Variants in MST1R observed in about 807,000 individuals in gnomAD.
MST1R encodes macrophage-stimulating protein receptor.
MST1R carries 99 observed loss-of-function variants against 117.8 expected under a neutral mutation model. That is an observed-to-expected ratio of 0.84 (90% confidence interval 0.71 to 0.99). The LOEUF is 0.99. Ranked by LOEUF, MST1R falls within the 50% of genes least tolerant of loss-of-function variation. The pLI is 0.00. For missense variants in MST1R, 1,683 were observed against 1,840.2 expected, an observed-to-expected ratio of 0.91 and a Z score of 1.56; for synonymous variants, 734 against 765.3, an observed-to-expected ratio of 0.96 and a Z score of 0.68.
rs773053723 is a variant in MST1R, at chr3:49,895,760, C to T, written c.2917G>A (p.Ala973Thr). 1 of 1,613,362 alleles carries T rather than the reference C, an allele frequency of 6.2e-7. No individual in the cohort carries two copies. Among genetic ancestry groups the T allele is most frequent in the East Asian group, 2.2e-5 (1 of 44,890 alleles). Reference protein sequence around the residue: ...LPLLLLVAALATALVFSYWWR... With the variant: ...LPLLLLVAALTTALVFSYWWR... ...CAGTAGCTGAAGACCAGTGCAGTCGCCAGTGCAGCCACAAGCAGCAGCAAA... is the reference window on the plus strand; with the variant it reads ...CAGTAGCTGAAGACCAGTGCAGTCGTCAGTGCAGCCACAAGCAGCAGCAAA... The change falls in exon 12 of 20, where the codon GCG becomes ACG. Residue 973 changes from alanine to threonine, a missense_variant. Ala to Thr is a moderately conservative substitution (Grantham distance 58, BLOSUM62 0). Coordinates refer to ENST00000296474, the MANE Select transcript of MST1R (RefSeq NM_002447.4).
In MST1R at chr3:49,887,424, G is replaced by C. The variant is rs1291272918; in HGVS notation, c.4086C>G (p.Asn1362Lys). ...TCTCATGCGAGGTGCTGGGGCCCAA[G>C]TTCATGTAGGTTGCTGGCAGCTGCA... ...HYVQLPATYM[N>K]LGPSTSHEMN... is the part of the protein sequence containing the mutation. Residue 1362 changes from asparagine (N) to lysine (K), a missense_variant, in exon 20 of 20, where the codon AAC becomes AAG. Transcript: ENST00000296474. 1 of 1,614,140 alleles carries C rather than the reference G, an allele frequency of 6.2e-7. No individual in the cohort carries two copies. The highest frequency in any genetic ancestry group is 8.5e-7 in the Non-Finnish European group (1 of 1,180,046).
Position 49,898,053 on chromosome 3 carries a change from G to C in MST1R, c.1878C>G (p.Leu626=). 1 of 1,614,144 alleles carries C rather than the reference G, an allele frequency of 6.2e-7. No individual in the cohort carries two copies. The highest frequency in any genetic ancestry group is 1.6e-4 in the Middle Eastern group (1 of 6,062). Residue 626 remains leucine (L), a splice_region_variant and synonymous_variant, in exon 5 of 20, where the codon CTC becomes CTG. Coordinates refer to ENST00000296474, the MANE Select transcript of MST1R (RefSeq NM_002447.4). ...GGAGGGGAGGGACCAGATTGTACCT[G>C]AGTTTTGAGCTGTCCTTGGGCAGTG... is the stretch of plus-strand genomic sequence containing the variant. ...CRPLPKDSSK[L]RPVPRKDFVE... is the part of the protein sequence containing the mutation.
chr3:49,899,560 C>CTTTT lies in MST1R; in HGVS notation c.1231-301_1231-298dup, dbSNP rs66742220. On this transcript the variant is annotated intron_variant, in intron 1 of 19. Coordinates refer to ENST00000296474, the MANE Select transcript of MST1R (RefSeq NM_002447.4). ...CCATCCTCACAACCACCCCGTACATCTTTTTTTTTTTTTTTTTTTTTTTTT... is the reference window on the plus strand; with the variant it reads ...CCATCCTCACAACCACCCCGTACATCTTTTTTTTTTTTTTTTTTTTTTTTTTTTT... 50 of 66,392 alleles carry CTTTT rather than the reference C, an allele frequency of 7.5e-4. 3 individuals carry two copies. Among genetic ancestry groups the CTTTT allele is most frequent in the South Asian group, 2.0e-3 (8 of 3,924 alleles). 4.1% of individuals were successfully genotyped at this position (66,392 alleles called of 1,614,324 possible).
At chr3:49,898,818 T>C in intron 3 of MST1R, 49 bp downstream of exon 3, 2 of 1,610,786 alleles carry the variant, frequency 1.2e-6, no homozygotes, top group Non-Finnish European at 1.7e-6. Context: ...GGATGGAGAG[T>C]CTGTGATCCC....
chr3:49,892,481 C>T lies in MST1R; in HGVS notation c.3272-643G>A, dbSNP rs541204705. Among the ~76,000 whole-genome samples, 47 of 149,738 alleles carry T rather than the reference C, an allele frequency of 3.1e-4. 1 individual carries two copies. Among genetic ancestry groups the T allele is most frequent in the African/African-American group, 1.1e-3 (44 of 40,710 alleles). ...GGCAGAGGTTGCAGTGAGCCAAGATCGTGTCACTGCACTCCAGCCTGAGAG... is the reference window on the plus strand; with the variant it reads ...GGCAGAGGTTGCAGTGAGCCAAGATTGTGTCACTGCACTCCAGCCTGAGAG... On this transcript the variant is annotated intron_variant, in intron 14 of 19. Coordinates refer to ENST00000296474, the MANE Select transcript of MST1R (RefSeq NM_002447.4).
rs2082311198 is a variant in MST1R at position 49,891,411 on chromosome 3, G to A, written c.3522C>T (p.Arg1174=). Reference sequence around the variant, plus strand: ...GATGAACACTGACCCGCTGAGGTGAGCGGATGAACTGGAGCAGGTCACCGT... The same window carrying A: ...GATGAACACTGACCCGCTGAGGTGAACGGATGAACTGGAGCAGGTCACCGT... The part of the protein sequence containing the change: ...MCHGDLLQFI[R]SPQRNPTVKD... The change falls in exon 16 of 20, where the codon CGC becomes CGT. Residue 1174 remains arginine, a synonymous_variant. Transcript: ENST00000296474. The A allele has an allele frequency of 2.5e-6, 4 of 1,613,916 alleles. No individual in the cohort carries two copies. In the Admixed American group the frequency reaches 6.7e-5, roughly 27 times the overall value.
At chr3:49,897,465 T>A (rs2108457116) in intron 6 of MST1R, 49 bp from the exon 7 acceptor site, 2 of 1,609,306 alleles carry the variant, frequency 1.2e-6, no homozygotes, top group Non-Finnish European at 1.7e-6. Flanking sequence ...TCCAAGCCCC[T>A]CCCTTCCCGT....
intron 1 of MST1R, among the ~76,000 whole-genome samples, chr3:49,900,131 T>C (rs953839692): frequency 6.6e-6 from 1 of 152,136 alleles, no homozygotes; most frequent in South Asian, 2.1e-4. Flanking sequence ...ACATGGTCCT[T>C]CTCCCTAGAC....
At chr3:49,898,295 C>A (rs1173171404) in intron 4 of MST1R, 84 bp from the exon 5 acceptor site, 1 of 1,559,528 alleles carries the variant, frequency 6.4e-7, no homozygotes, top group East Asian at 2.3e-5. Flanking sequence ...TCCTGCCATA[C>A]CCCTTGCCTT....
At chr3:49,897,485 T>C in intron 6 of MST1R, 35 bp downstream of exon 6, 1 of 1,610,634 alleles carries the variant, frequency 6.2e-7, no homozygotes, top group Non-Finnish European at 8.5e-7. Flanking sequence ...TACCATGCAC[T>C]GGCCAAGGGC....
Position 49,898,867 on chromosome 3 carries a change from C to CTGGTCCCCAGAGGCAAAGAGTAGG in MST1R, c.1524_1547dup (p.His508_Asp515dup). ...CAGGCCCTGCCCCTGCCCACCTCAC[C>CTGGTCCCCAGAGGCAAAGAGTAGG]TGGTCCCCAGAGGCAAAGAGTAGGT... On this transcript the variant is annotated inframe_insertion and splice_region_variant, in exon 3 of 20. Transcript: ENST00000296474. 6.2e-7 allele frequency: 1 copy of CTGGTCCCCAGAGGCAAAGAGTAGG among 1,614,098 alleles called. No homozygotes were observed. The highest frequency in any genetic ancestry group is 8.5e-7 in the Non-Finnish European group (1 of 1,180,036).
chr3:49,897,850 G>T (rs2082534903), intron 5 of MST1R, 165 bp from the exon 6 acceptor site: 2 of 1,158,064 alleles, frequency 1.7e-6, no homozygotes, highest in Non-Finnish European at 2.4e-6. Flanking sequence ...AACCTTGGCT[G>T]GTCCATGAGT....
At position 49,898,683 on chromosome 3, in the gene MST1R, G is replaced by C. The variant is rs917476648; in HGVS notation, c.1554C>G (p.Phe518Leu). Residue 518 changes from phenylalanine (F) to leucine (L), a missense_variant, in exon 4 of 20, where the codon TTC (phenylalanine) becomes TTG (leucine). Physicochemically the swap from Phe to Leu is conservative, Grantham distance 22. Coordinates refer to ENST00000296474, the MANE Select transcript of MST1R (RefSeq NM_002447.4). ...AGCCAGGGCCTTGGATAGGTACCTGGAAAACCTGTGGGTGAAAGACAGGTG... is the reference window on the plus strand; with the variant it reads ...AGCCAGGGCCTTGGATAGGTACCTGCAAAACCTGTGGGTGAAAGACAGGTG... ...HLLFASGDQV[F>L]QVPIQGPGCR... The C allele has an allele frequency of 6.2e-7, 1 of 1,613,892 alleles. No individual in the cohort carries two copies. The highest frequency in any genetic ancestry group is 8.5e-7 in the Non-Finnish European group (1 of 1,179,982).
chr3:49,895,554 G>A lies in MST1R; in HGVS notation c.2963-6C>T. The A allele has an allele frequency of 6.2e-7, 1 of 1,614,102 alleles. No individual in the cohort carries two copies. The highest frequency in any genetic ancestry group is 1.1e-5 in the South Asian group (1 of 91,072). On this transcript the variant is annotated splice_region_variant and splice_polypyrimidine_tract_variant and intron_variant, in intron 12 of 19. Transcript: ENST00000296474. Reference sequence around the variant, plus strand: ...ATTCAGGTTGGGAGGAAGAACTGTGGAAAGAGAATCCTTGGTGGCTTGGCT... The same window carrying A: ...ATTCAGGTTGGGAGGAAGAACTGTGAAAAGAGAATCCTTGGTGGCTTGGCT...
rs1443257862 is a variant in MST1R, at chr3:49,899,242, G to A, written c.1252C>T (p.Pro418Ser). 6.2e-7 allele frequency: 1 copy of A among 1,613,976 alleles called. No homozygotes were observed. Among genetic ancestry groups the A allele is most frequent in the Non-Finnish European group, 8.5e-7 (1 of 1,179,968 alleles). Reference protein sequence around the residue: ...PNPPGLEALSPNTSCRHFPLL... With the variant: ...PNPPGLEALSSNTSCRHFPLL... The stretch of plus-strand genomic sequence containing the variant: ...GGGAAGTGGCGGCAGCTGGTGTTGG[G>A]GCTGAGGGCTTCCAGGCCAGGCTGG... Residue 418 changes from proline (P) to serine (S), a missense_variant, in exon 2 of 20, where the codon CCC becomes TCC. Physicochemically the swap from Pro to Ser is moderately conservative, Grantham distance 74 (BLOSUM62 -1). Coordinates refer to ENST00000296474, the MANE Select transcript of MST1R (RefSeq NM_002447.4).
At chr3:49,893,392 T>A (rs1575429976) in intron 14 of MST1R, among the ~76,000 whole-genome samples, 1 of 149,762 alleles carries the variant, frequency 6.7e-6, no homozygotes. Context: ...TCACCTGAGG[T>A]TAGGAGTTTG....
chr3:49,891,907 A>C, intron 14 of MST1R, 69 bp from the exon 15 acceptor site: 56 of 1,300,454 alleles, frequency 4.3e-5, no homozygotes, highest in Non-Finnish European at 5.8e-5. Flanking sequence ...ACACATTCTC[A>C]TTGGCAACCA....
Position 49,896,769 on chromosome 3 carries a change from C to G in MST1R, c.2305G>C (p.Asp769His), listed in dbSNP as rs1007032473. 1 of 1,575,538 alleles carries G rather than the reference C, an allele frequency of 6.3e-7. No homozygotes were observed. Among genetic ancestry groups the G allele is most frequent in the African/African-American group, 1.4e-5 (1 of 74,006 alleles). Residue 769 changes from aspartate (D) to histidine (H), a missense_variant, in exon 8 of 20, where the codon GAC becomes CAC. Asp to His is a moderately conservative substitution (Grantham distance 81). Coordinates refer to ENST00000296474, the MANE Select transcript of MST1R (RefSeq NM_002447.4). ...PGSWTFQYRE[D>H]PVVLSISPNC... ...GGGCTGATGCTTAGCACGACAGGGT[C>G]TTCTCTGTACTGGAAGGTCCAGGAA...
rs776511726 is a variant in MST1R at position 49,897,698 on chromosome 3, G to A, written c.1881-13C>T. On this transcript the variant is annotated splice_polypyrimidine_tract_variant and intron_variant, in intron 5 of 19. Transcript: ENST00000296474. Reference sequence around the variant, plus strand: ...CCGGGGCACTGGTCTGGGGCACCAGGGGAACCCCTGAGGTCAGCCAGGAAT... The same window carrying A: ...CCGGGGCACTGGTCTGGGGCACCAGAGGAACCCCTGAGGTCAGCCAGGAAT... 8 of 1,604,236 alleles carry A rather than the reference G, an allele frequency of 5.0e-6. No homozygotes were observed. In the African/African-American group the frequency reaches 9.4e-5, roughly 19 times the overall value.
Sources: allele counts gnomAD v4.1 joint callset (sites outside exome capture counted in the v4.1 genomes callset), GRCh38; gene constraint gnomAD v4.1.1; transcripts MANE v1.5; gene names NCBI Gene and HGNC (gene_info 2026-07-23, HGNC 2026-07-21).